The following SLF1 variants were observed in gnomAD, a reference collection of about 807,000 sequenced individuals.
The protein encoded by SLF1 is SMC5/6 complex localization factor 1, also known as SMC5-SMC6 complex localization factor protein 1.
In SLF1, 105 loss-of-function variants were observed where a neutral mutation model predicts 123.0. That is an observed-to-expected ratio of 0.85 (90% CI 0.73 to 1.00). SLF1 has a LOEUF of 1.00. Ranked by LOEUF, SLF1 falls within the 50% of genes least tolerant of loss-of-function variation. The probability of loss-of-function intolerance (pLI) is 0.00; values close to 1 mark genes in which losing one functional copy is unlikely to be tolerated. For missense variants in SLF1, 1,239 were observed against 1,223.0 expected (o/e 1.01, Z -0.20); for synonymous variants, 434 against 406.6 (o/e 1.07, Z -0.81).
intron 9 of SLF1, among the ~76,000 whole-genome samples, chr5:94,660,334 A>T (rs547715806): frequency 1.4e-4 from 22 of 152,282 alleles, no homozygotes; most frequent in African/African-American, 4.6e-4. Flanking sequence ...CACAGGCCTC[A>T]TATCAGCGTG....
At chr5:94,639,037 CTTTTTTTTTTT>C (rs764031689) in intron 4 of SLF1, among the ~76,000 whole-genome samples, 3 of 88,970 alleles carry the variant, frequency 3.4e-5, no homozygotes, top group Non-Finnish European at 6.2e-5. Context: ...CTTTTCTTCC[CTTTTTTTTTTT>C]TTTTTTTTTT....
chr5:94,623,468 GCTCT>G (rs1200939811), intron 1 of SLF1, among the ~76,000 whole-genome samples: 1 of 151,986 alleles, frequency 6.6e-6, no homozygotes, highest in East Asian at 1.9e-4. Flanking sequence ...CAGAAGTCAT[GCTCT>G]CTTTTTTGCT....
rs1753531646 is a variant in SLF1 at position 94,696,705 on chromosome 5, A to G, written c.*1393A>G. On this transcript the variant is annotated 3_prime_UTR_variant, in exon 21 of 21. Transcript: ENST00000265140. ...GATAGTGTTTGCTTGGTAAACTAATATAAACTTGTAAACATAGGCTTTGAC... is the reference window on the plus strand; with the variant it reads ...GATAGTGTTTGCTTGGTAAACTAATGTAAACTTGTAAACATAGGCTTTGAC... 6.6e-6 allele frequency: 1 copy of G among 151,850 alleles called. No homozygotes were observed. The highest frequency in any genetic ancestry group is 6.6e-5 in the Admixed American group (1 of 15,202). The allele number at this position is 151,850 out of a possible 1,614,324, so 9.4% of individuals were successfully genotyped here.
At chr5:94,627,828 C>T (rs1444151445) in intron 1 of SLF1, among the ~76,000 whole-genome samples, 1 of 150,896 alleles carries the variant, frequency 6.6e-6, no homozygotes, top group African/African-American at 2.4e-5. Flanking sequence ...TAGCGAACAA[C>T]AGTACTTTTT....
intron 18 of SLF1, among the ~76,000 whole-genome samples, chr5:94,690,365 T>C (rs914694232): frequency 3.3e-5 from 5 of 152,210 alleles, no homozygotes; most frequent in Admixed American, 3.3e-4. Context: ...TGATATAAGT[T>C]CATAATTGCA....
chr5:94,685,088 A>G (rs1304445207), intron 15 of SLF1, among the ~76,000 whole-genome samples: 3 of 152,208 alleles, frequency 2.0e-5, no homozygotes, highest in East Asian at 3.8e-4. Context: ...CCCATCCACT[A>G]TTGAAAATCA....
At chr5:94,676,338 A>C (rs1466180406) in intron 14 of SLF1, among the ~76,000 whole-genome samples, 4 of 152,198 alleles carry the variant, frequency 2.6e-5, no homozygotes, top group Non-Finnish European at 5.9e-5. Context: ...GATTTCCTGC[A>C]GTGTTTTCTG....
In SLF1 at chr5:94,628,949, A is replaced by C. The variant is rs1315228777; in HGVS notation, c.114+25A>C. 7 of 1,487,824 alleles carry C rather than the reference A, an allele frequency of 4.7e-6. No homozygotes were observed. The East Asian group carries it at 1.7e-4, about 37-fold the overall frequency. The allele number at this position is 1,487,824 out of a possible 1,614,324, so 92.2% of individuals were successfully genotyped here. A position where few individuals can be genotyped will look rare whatever the true frequency, so the allele number is the denominator to read the frequency against. ...GGTAAGAAACTTATCAAAATGTTCA[A>C]GATATATTTGAAAAATAACTACAAT... On this transcript the variant is annotated intron_variant, in intron 2 of 20. Transcript: ENST00000265140.
chr5:94,654,765 A>C lies in SLF1; in HGVS notation c.1155+13A>C, dbSNP rs772675670. 6.1e-6 allele frequency: 9 copies of C among 1,484,124 alleles called. No homozygotes were observed. Among genetic ancestry groups the C allele is most frequent in the Non-Finnish European group, 5.4e-6 (6 of 1,118,024 alleles). The allele number at this position is 1,484,124 out of a possible 1,614,324, so 91.9% of individuals were successfully genotyped here. ...ATATAGAGCTCAGGTAAAACTTGGC[A>C]CATGAAAAATTTTGTATAATATCGT... On this transcript the variant is annotated intron_variant, in intron 9 of 20. Coordinates refer to ENST00000265140, the MANE Select transcript of SLF1 (RefSeq NM_032290.4).
chr5:94,663,859 A>G lies in SLF1; in HGVS notation c.1319A>G (p.Tyr440Cys). Residue 440 changes from tyrosine to cysteine, a missense_variant, in exon 11 of 21, where the codon TAT (tyrosine) becomes TGT (cysteine). Coordinates refer to ENST00000265140, the MANE Select transcript of SLF1 (RefSeq NM_032290.4). ...GAACTTTCCACTTTGCAGGCACATT[A>G]TATCCCTCCTGTATGCGTTCTTCAT... ...IEELSTLQAH[Y>C]IPPVCVLHAL... The G allele has an allele frequency of 1.3e-6, 2 of 1,550,878 alleles. No homozygotes were observed. The highest frequency in any genetic ancestry group is 2.4e-5 in the East Asian group (1 of 40,854).
intron 18 of SLF1, chr5:94,691,281 C>A (rs977617929): frequency 5.3e-5 from 17 of 321,480 alleles, no homozygotes; most frequent in Non-Finnish European, 8.5e-5. Flanking sequence ...AAGCTTTAAA[C>A]CTTGAACTAG....
At chr5:94,641,566 A>G (rs1365239385) in intron 4 of SLF1, among the ~76,000 whole-genome samples, 1 of 152,132 alleles carries the variant, frequency 6.6e-6, no homozygotes, top group Non-Finnish European at 1.5e-5. Context: ...CTTTGTGCTT[A>G]TTATGGGGAC....
At position 94,692,065 on chromosome 5, in the gene SLF1, C is replaced by A; in HGVS notation, c.2513-9C>A. The A allele has an allele frequency of 1.2e-6, 2 of 1,611,654 alleles. No individual in the cohort carries two copies. Among genetic ancestry groups the A allele is most frequent in the Admixed American group, 3.3e-5 (2 of 59,814 alleles). On this transcript the variant is annotated splice_polypyrimidine_tract_variant and intron_variant, in intron 19 of 20. Coordinates refer to ENST00000265140, the MANE Select transcript of SLF1 (RefSeq NM_032290.4). The stretch of plus-strand genomic sequence containing the variant: ...GCTGTTTTAAAACTTGCCTTGATTT[C>A]TAATTTAGACAATGCTGGCTGGACG...
intron 8 of SLF1, among the ~76,000 whole-genome samples, chr5:94,654,342 A>C (rs1320003318): frequency 3.3e-5 from 5 of 151,940 alleles, no homozygotes; most frequent in African/African-American, 1.2e-4. Context: ...ATAAATGAAA[A>C]GTGCCTTAAG....
intron 3 of SLF1, among the ~76,000 whole-genome samples, chr5:94,630,209 TG>T (rs958249675): frequency 2.6e-5 from 4 of 152,194 alleles, no homozygotes; most frequent in South Asian, 2.1e-4. Flanking sequence ...ATTATAAAAT[TG>T]TAATTTAGAA....
At chr5:94,654,500 G>T in intron 8 of SLF1, 130 bp from the exon 9 acceptor site, 1 of 516,306 alleles carries the variant, frequency 1.9e-6, no homozygotes, top group Non-Finnish European at 2.9e-6. Flanking sequence ...CTTGATATAT[G>T]ATTGTGAGGA....
At chr5:94,628,203 T>C (rs1014228906) in intron 1 of SLF1, among the ~76,000 whole-genome samples, 2 of 152,082 alleles carry the variant, frequency 1.3e-5, no homozygotes, top group Non-Finnish European at 2.9e-5. Context: ...TGGAGTGCAG[T>C]GGCATGATCT....
intron 2 of SLF1, 38 bp from the exon 3 acceptor site, chr5:94,629,054 C>G: frequency 1.3e-6 from 2 of 1,500,456 alleles, no homozygotes; most frequent in South Asian, 1.3e-5. Flanking sequence ...GGGAGTCTTA[C>G]TTTAGTAACA....
Position 94,638,441 on chromosome 5 carries a change from G to T in SLF1, c.432-4832G>T, listed in dbSNP as rs1746061722. 5.3e-5 allele frequency among the ~76,000 whole-genome samples: 8 copies of T among 152,182 alleles called. 1 individual carries two copies. The South Asian group carries it at 1.7e-3, about 32-fold the overall frequency. Reference sequence around the variant, plus strand: ...GATCTGCCCGCCTCGGCCTCCCAAAGTGCTGGGATTACAGGCGTGAGCCAC... The same window carrying T: ...GATCTGCCCGCCTCGGCCTCCCAAATTGCTGGGATTACAGGCGTGAGCCAC... On this transcript the variant is annotated intron_variant, in intron 4 of 20. Coordinates refer to ENST00000265140, the MANE Select transcript of SLF1 (RefSeq NM_032290.4).
Sources: allele counts gnomAD v4.1 joint callset (sites outside exome capture counted in the v4.1 genomes callset), GRCh38; gene constraint gnomAD v4.1.1; transcripts MANE v1.5; gene names NCBI Gene and HGNC (gene_info 2026-07-23, HGNC 2026-07-21).